UBE4B: variants seen among roughly 807,000 people sequenced by gnomAD.
The protein encoded by UBE4B is ubiquitin conjugation factor E4 B.
In UBE4B, 27 loss-of-function variants were observed where a neutral mutation model predicts 148.1. The observed-to-expected ratio is 0.18, with a 90% confidence interval of 0.13 to 0.25. UBE4B has a LOEUF of 0.25. Among genes scored for constraint, UBE4B ranks in the 10% least tolerant of loss-of-function variants. UBE4B has a pLI of 1.00. For missense variants in UBE4B, 1,170 were observed against 1,662.4 expected, an observed-to-expected ratio of 0.70 and a Z score of 5.15; for synonymous variants, 596 against 619.3, an observed-to-expected ratio of 0.96 and a Z score of 0.56.
At chr1:10,093,380 G>A (rs1391981832) in intron 2 of UBE4B, among the ~76,000 whole-genome samples, 1 of 152,064 alleles carries the variant, frequency 6.6e-6, no homozygotes, top group Non-Finnish European at 1.5e-5. Flanking sequence ...AAGTTTTACT[G>A]TATTCTGTGA....
At chr1:10,042,963 C>G (rs975664365) in intron 1 of UBE4B, among the ~76,000 whole-genome samples, 2 of 150,682 alleles carry the variant, frequency 1.3e-5, no homozygotes, top group Admixed American at 6.6e-5. Context: ...TTAGAGCCTT[C>G]TGTGCAAGGG....
intron 18 of UBE4B, chr1:10,145,381 A>G (rs1050831841): frequency 1.3e-5 from 2 of 158,162 alleles, no homozygotes; most frequent in African/African-American, 4.8e-5. Flanking sequence ...GCGGATCACG[A>G]GGTCAGGAGA....
intron 25 of UBE4B, among the ~76,000 whole-genome samples, chr1:10,175,266 T>C (rs994840851): frequency 6.6e-6 from 1 of 152,128 alleles, no homozygotes; most frequent in Non-Finnish European, 1.5e-5. Flanking sequence ...GCCAGTTCCA[T>C]GGACAGACTG....
At chr1:10,094,598 T>C (rs1644900769) in intron 2 of UBE4B, among the ~76,000 whole-genome samples, 2 of 151,822 alleles carry the variant, frequency 1.3e-5, no homozygotes, top group East Asian at 3.9e-4. Context: ...CACGCCCAGC[T>C]AATTTTTTTG....
chr1:10,085,123 T>C (rs918832024), intron 2 of UBE4B, among the ~76,000 whole-genome samples: 2 of 152,186 alleles, frequency 1.3e-5, no homozygotes, highest in African/African-American at 4.8e-5. Flanking sequence ...CGTTCATACC[T>C]GGAGAGCCTT....
intron 2 of UBE4B, among the ~76,000 whole-genome samples, chr1:10,076,662 G>T (rs570665177): frequency 6.6e-6 from 1 of 151,490 alleles, no homozygotes; most frequent in South Asian, 2.1e-4. Context: ...GTTTTCAGTT[G>T]CAAGTAACTA....
chr1:10,148,766 C>A (rs1645922075), intron 19 of UBE4B, among the ~76,000 whole-genome samples: 2 of 151,412 alleles, frequency 1.3e-5, no homozygotes, highest in Non-Finnish European at 2.9e-5. Context: ...ATGGTGAAAC[C>A]CTGTCTCTAT....
intron 14 of UBE4B, among the ~76,000 whole-genome samples, chr1:10,132,161 C>G (rs1645607158): frequency 6.6e-6 from 1 of 152,002 alleles, no homozygotes; most frequent in Admixed American, 6.6e-5. Flanking sequence ...CTGCCTACCT[C>G]CCCCACTCCA....
At chr1:10,156,884 A>G (rs1646081478) in intron 21 of UBE4B, among the ~76,000 whole-genome samples, 1 of 152,138 alleles carries the variant, frequency 6.6e-6, no homozygotes, top group Non-Finnish European at 1.5e-5. Context: ...AGAAAATATC[A>G]AAGACAAGGT....
At chr1:10,084,035 C>G (rs1644725687) in intron 2 of UBE4B, among the ~76,000 whole-genome samples, 1 of 152,114 alleles carries the variant, frequency 6.6e-6, no homozygotes, top group African/African-American at 2.4e-5. Context: ...CCCCCTGCCC[C>G]ATTTTTGCTA....
Position 10,178,729 on chromosome 1 carries a change from T to G in UBE4B, c.3611T>G (p.Phe1204Cys). ...GIKSTIAIEK[F>C]KLLAEKVEEI... is the part of the protein sequence containing the mutation. ...AAATCCACAATAGCAATAGAAAAAT[T>G]TAAGCTGCTCGCCGAGAAAGTGGAG... Residue 1204 changes from phenylalanine to cysteine, a missense_variant, in exon 26 of 28, where the codon TTT becomes TGT. This residue lies in a region of UBE4B where 348 missense variants were observed against 627.2 expected (regional missense o/e 0.55). Transcript: ENST00000343090. 1 of 1,613,758 alleles carries G rather than the reference T, an allele frequency of 6.2e-7. No homozygotes were observed. The highest frequency in any genetic ancestry group is 8.5e-7 in the Non-Finnish European group (1 of 1,179,888).
At chr1:10,102,703 G>A (rs1412880798) in intron 4 of UBE4B, among the ~76,000 whole-genome samples, 1 of 151,924 alleles carries the variant, frequency 6.6e-6, no homozygotes, top group East Asian at 1.9e-4. Context: ...GAGCCACCAC[G>A]CCCGGCCATC....
intron 1 of UBE4B, among the ~76,000 whole-genome samples, chr1:10,055,038 G>A (rs900324579): frequency 3.9e-5 from 6 of 151,952 alleles, no homozygotes; most frequent in Non-Finnish European, 5.9e-5. Flanking sequence ...CACCTGCCTC[G>A]GCCTCCCAAA....
chr1:10,126,764 A>G (rs1441880356), intron 10 of UBE4B, 30 bp from the exon 11 acceptor site: 3 of 1,565,248 alleles, frequency 1.9e-6, no homozygotes, highest in Non-Finnish European at 1.8e-6. Context: ...TCTTAAACTT[A>G]TATTTCTGAT....
chr1:10,129,522 A>G (rs1645556481), intron 12 of UBE4B, 74 bp downstream of exon 12: 1 of 1,456,834 alleles, frequency 6.9e-7, no homozygotes. Context: ...CTCTAGTGAG[A>G]TGGCCTGGAA....
intron 19 of UBE4B, 30 bp downstream of exon 19, chr1:10,147,120 C>T (rs1645886571): frequency 6.2e-7 from 1 of 1,613,620 alleles, no homozygotes; most frequent in African/African-American, 1.3e-5. Context: ...TTTCCCTTGT[C>T]CCTCCTTGGC....
chr1:10,083,526 A>T (rs957882289), intron 2 of UBE4B, among the ~76,000 whole-genome samples: 3 of 152,194 alleles, frequency 2.0e-5, no homozygotes, highest in African/African-American at 7.2e-5. Flanking sequence ...TGAAATTCTA[A>T]CTTTGGTCCT....
In UBE4B at chr1:10,149,233, C is replaced by A; in HGVS notation, c.2641C>A (p.Pro881Thr). 6.2e-7 allele frequency: 1 copy of A among 1,610,838 alleles called. No individual in the cohort carries two copies. The highest frequency in any genetic ancestry group is 8.5e-7 in the Non-Finnish European group (1 of 1,178,968). Residue 881 changes from proline (P) to threonine (T), a missense_variant, in exon 20 of 28, where the codon CCT becomes ACT. Transcript: ENST00000343090. Reference protein sequence around the residue: ...SDVPKVFAALPEFYVEDVAEF... With the variant: ...SDVPKVFAALTEFYVEDVAEF... The stretch of plus-strand genomic sequence containing the variant: ...TGTCCCCAAGGTATTTGCAGCGTTG[C>A]CTGAGTTTTATGTAGAAGATGTTGC...
Position 10,033,635 on chromosome 1 carries a change from C to G in UBE4B, c.-36C>G, listed in dbSNP as rs1643388710. ...GCCGTGGTCTCGAGAACAGAAGGATCTCTCCTTAACGCCTTTCACCATTAA... is the reference window on the plus strand; with the variant it reads ...GCCGTGGTCTCGAGAACAGAAGGATGTCTCCTTAACGCCTTTCACCATTAA... On this transcript the variant is annotated 5_prime_UTR_variant, in exon 1 of 28. It adds an upstream start codon to the 5' untranslated region. Coordinates refer to ENST00000343090, the MANE Select transcript of UBE4B (RefSeq NM_001105562.3). 2.0e-6 allele frequency: 3 copies of G among 1,533,360 alleles called. No homozygotes were observed. Among genetic ancestry groups the G allele is most frequent in the Non-Finnish European group, 2.6e-6 (3 of 1,139,142 alleles). 95.0% of individuals were successfully genotyped at this position (1,533,360 alleles called of 1,614,324 possible).
Sources: gnomAD v4.1 joint callset for allele counts (sites outside exome capture counted in the v4.1 genomes callset) on GRCh38, gnomAD v4.1.1 for gene constraint, gnomAD v4.1.1 regional missense constraint, MANE v1.5 for transcripts, NCBI Gene and HGNC (gene_info 2026-07-23, HGNC 2026-07-21) for gene names.